UGT2A1: variants seen among roughly 807,000 people sequenced by gnomAD.
UGT2A1 encodes UDP glucuronosyltransferase family 2 member A1 complex locus.
UGT2A1 carries 61 observed loss-of-function variants against 45.4 expected under a neutral mutation model. The ratio of observed to expected loss-of-function variants is 1.34; its 90% confidence interval spans 1.09 to 1.66. UGT2A1 has a LOEUF of 1.66. UGT2A1 is among the 40% of genes most tolerant of loss of function. UGT2A1 has a pLI of 0.00. For synonymous variants in UGT2A1, 229 were observed against 196.2 expected, an observed-to-expected ratio of 1.17 and a Z score of -1.40; for missense variants, 649 against 574.3, an observed-to-expected ratio of 1.13 and a Z score of -1.33.
chr4:69,651,271 C>G (rs958320962), intron 1 of UGT2A1, among the ~76,000 whole-genome samples: 6 of 152,136 alleles, frequency 3.9e-5, no homozygotes, highest in Admixed American at 1.3e-4. Flanking sequence ...TTTGTAATTA[C>G]TCTGATCTTA....
At chr4:69,632,030 T>C (rs1016903395) in intron 3 of UGT2A1, among the ~76,000 whole-genome samples, 1 of 152,204 alleles carries the variant, frequency 6.6e-6, no homozygotes, top group Non-Finnish European at 1.5e-5. Flanking sequence ...AGTTTTTCTT[T>C]ATTCCTAAAA....
intron 3 of UGT2A1, among the ~76,000 whole-genome samples, chr4:69,606,962 A>G (rs1719664796): frequency 7.3e-6 from 1 of 136,924 alleles, no homozygotes; most frequent in Admixed American, 7.2e-5. Flanking sequence ...ATGGGTAGGA[A>G]GAATCAATAT....
intron 3 of UGT2A1, among the ~76,000 whole-genome samples, chr4:69,622,268 A>G (rs1042604213): frequency 5.9e-5 from 9 of 151,322 alleles, no homozygotes; most frequent in Admixed American, 2.6e-4. Context: ...AATACATAAC[A>G]AAGTAATAAT....
At chr4:69,611,713 C>T (rs1458398670) in intron 3 of UGT2A1, among the ~76,000 whole-genome samples, 1 of 151,794 alleles carries the variant, frequency 6.6e-6, no homozygotes, top group Admixed American at 6.6e-5. Context: ...TTTGAGTAAG[C>T]AAGAAAATAA....
intron 3 of UGT2A1, 118 bp from the exon 4 acceptor site, chr4:69,599,512 T>C (rs377067907): frequency 3.6e-6 from 5 of 1,396,798 alleles, no homozygotes; most frequent in Non-Finnish European, 3.9e-6. Flanking sequence ...TTAGGTCTTC[T>C]AGAATACTTA....
chr4:69,641,373 C>A (rs773500107), intron 2 of UGT2A1, among the ~76,000 whole-genome samples: 2 of 151,816 alleles, frequency 1.3e-5, no homozygotes, highest in Non-Finnish European at 2.9e-5. Flanking sequence ...CTCATAGCAA[C>A]ATTTTGGTAT....
chr4:69,590,496 T>C (rs1718525973), intron 6 of UGT2A1, among the ~76,000 whole-genome samples: 1 of 152,184 alleles, frequency 6.6e-6, no homozygotes, highest in Non-Finnish European at 1.5e-5. Context: ...TTCATGAAGA[T>C]GAGCGAAGGT....
intron 6 of UGT2A1, among the ~76,000 whole-genome samples, chr4:69,592,207 G>A (rs992508403): frequency 6.6e-6 from 1 of 152,052 alleles, no homozygotes; most frequent in African/African-American, 2.4e-5. Context: ...CTCCTCTCCT[G>A]AATCTCAGCC....
chr4:69,606,246 CTGG>C (rs1719605013), intron 3 of UGT2A1, among the ~76,000 whole-genome samples: 1 of 136,186 alleles, frequency 7.3e-6, no homozygotes. Context: ...GGCTTCATCC[CTGG>C]GACGCAAGGC....
intron 3 of UGT2A1, among the ~76,000 whole-genome samples, chr4:69,615,157 C>T (rs72853645): frequency 0.013 from 1,965 of 152,040 alleles, 35 homozygotes; most frequent in African/African-American, 0.045. Context: ...GGAGACAAAC[C>T]ATATCAATCT....
intron 1 of UGT2A1, among the ~76,000 whole-genome samples, chr4:69,651,896 G>A (rs1722541785): frequency 6.6e-6 from 1 of 152,164 alleles, no homozygotes; most frequent in South Asian, 2.1e-4. Flanking sequence ...GCACATGTGG[G>A]CAGCCCACCC....
At chr4:69,627,692 G>T (rs896227426) in intron 3 of UGT2A1, among the ~76,000 whole-genome samples, 2 of 151,622 alleles carry the variant, frequency 1.3e-5, no homozygotes, top group African/African-American at 2.4e-5. Context: ...TATATTTAAG[G>T]TTCATAAACA....
chr4:69,623,263 T>C (rs574445077), intron 3 of UGT2A1, among the ~76,000 whole-genome samples: 1 of 151,912 alleles, frequency 6.6e-6, no homozygotes, highest in East Asian at 1.9e-4. Context: ...TTTCTACCAG[T>C]AATGTAGTCT....
chr4:69,598,807 C>A (rs1233869267), intron 4 of UGT2A1, among the ~76,000 whole-genome samples: 1 of 151,940 alleles, frequency 6.6e-6, no homozygotes. Flanking sequence ...ATTTCATTGT[C>A]TTTCTTCAAT....
In UGT2A1 at chr4:69,605,973, C is replaced by G. The variant is rs1288491741; in HGVS notation, c.848-6579G>C. ...AAAAGTCCAGGACCAGATGGATTCA[C>G]AGCTGAATTCTACCAGAAGTACAAG... On this transcript the variant is annotated intron_variant, in intron 3 of 6. Transcript: ENST00000286604. Among the ~76,000 whole-genome samples, 2 of 136,708 alleles carry G rather than the reference C, an allele frequency of 1.5e-5. 1 individual carries two copies. Among genetic ancestry groups the G allele is most frequent in the African/African-American group, 5.9e-5 (2 of 33,812 alleles). 89.7% of individuals were successfully genotyped at this position (136,708 alleles called of 152,430 possible). A position where few individuals can be genotyped will look rare whatever the true frequency, so the allele number is the denominator to read the frequency against.
intron 3 of UGT2A1, among the ~76,000 whole-genome samples, chr4:69,611,300 T>TTTTTTTTTTGAGACGG (rs1553904914): frequency 6.7e-6 from 1 of 148,960 alleles, no homozygotes; most frequent in African/African-American, 2.5e-5. Context: ...CAGCTATTCT[T>TTTTTTTTTTGAGACGG]AATGCTATTA....
At chr4:69,594,348 G>A in intron 6 of UGT2A1, 129 bp downstream of exon 6, 1 of 1,248,620 alleles carries the variant, frequency 8.0e-7, no homozygotes, top group South Asian at 1.6e-5. Flanking sequence ...AAATAAAATA[G>A]TTTTTATATT....
At chr4:69,624,582 TG>T (rs1479452266) in intron 3 of UGT2A1, among the ~76,000 whole-genome samples, 2 of 151,424 alleles carry the variant, frequency 1.3e-5, no homozygotes, top group Non-Finnish European at 3.0e-5. Context: ...ACACATTTTA[TG>T]ATCCTAGTTG....
At chr4:69,610,428 G>A (rs943296014) in intron 3 of UGT2A1, among the ~76,000 whole-genome samples, 1 of 152,018 alleles carries the variant, frequency 6.6e-6, no homozygotes, top group Non-Finnish European at 1.5e-5. Flanking sequence ...GGTAATTTAA[G>A]CCTTTTTCCT....
Sources: gnomAD v4.1 joint callset for allele counts (sites outside exome capture counted in the v4.1 genomes callset) on GRCh38, gnomAD v4.1.1 for gene constraint, MANE v1.5 for transcripts, NCBI Gene and HGNC (gene_info 2026-07-23, HGNC 2026-07-21) for gene names.